Variants in CNTNAP2 observed in about 807,000 individuals in gnomAD.
CNTNAP2 encodes contactin associated protein 2, also known as contactin-associated protein-like 2.
In CNTNAP2, 98 loss-of-function variants were observed where a neutral mutation model predicts 155.2. That is an observed-to-expected ratio of 0.63 (90% CI 0.54 to 0.75). The LOEUF is 0.75. CNTNAP2 is among the 30% of genes least tolerant of loss of function. The pLI, the probability that CNTNAP2 is intolerant of heterozygous loss-of-function variation, is 0.00. For missense variants in CNTNAP2, 1,727 were observed against 1,688.1 expected, an observed-to-expected ratio of 1.02 and a Z score of -0.40; for synonymous variants, 651 against 631.2, an observed-to-expected ratio of 1.03 and a Z score of -0.47.
At chr7:146,244,727 T>C (rs1049134591) in intron 1 of CNTNAP2, among the ~76,000 whole-genome samples, 11 of 152,080 alleles carry the variant, frequency 7.2e-5, no homozygotes, top group Non-Finnish European at 1.5e-4. Flanking sequence ...TCAGACTGTA[T>C]AGAGGTGGGA....
chr7:148,400,018 C>T (rs907218274), intron 22 of CNTNAP2, among the ~76,000 whole-genome samples: 12 of 152,204 alleles, frequency 7.9e-5, no homozygotes, highest in Admixed American at 7.9e-4. Context: ...GAGACCAACT[C>T]AGGCAGAAGC....
chr7:146,882,817 T>C (rs1038593738), intron 3 of CNTNAP2, among the ~76,000 whole-genome samples: 3 of 152,146 alleles, frequency 2.0e-5, no homozygotes, highest in Non-Finnish European at 1.5e-5. Context: ...CGATACCTTT[T>C]ACAATAGCTA....
chr7:146,146,688 A>C (rs1797962551), intron 1 of CNTNAP2, among the ~76,000 whole-genome samples: 1 of 152,276 alleles, frequency 6.6e-6, no homozygotes, highest in African/African-American at 2.4e-5. Flanking sequence ...AGATTCTATT[A>C]ATAAAAATGG....
At chr7:147,032,540 C>G (rs769196319) in intron 3 of CNTNAP2, among the ~76,000 whole-genome samples, 12 of 152,290 alleles carry the variant, frequency 7.9e-5, no homozygotes, top group Non-Finnish European at 1.5e-4. Context: ...GCCCGGATCC[C>G]TGAATGACTA....
chr7:146,735,226 C>T lies in CNTNAP2; in HGVS notation c.98-39045C>T, dbSNP rs11980346. On this transcript the variant is annotated intron_variant, in intron 1 of 23. Coordinates refer to ENST00000361727, the MANE Select transcript of CNTNAP2 (RefSeq NM_014141.6). ...GAAAATGCCATTCTTACCAGAAAAC[C>T]AGTCAATATGGTTTTACATTAGAGC... 4.5e-3 allele frequency among the ~76,000 whole-genome samples: 680 copies of T among 152,146 alleles called. 2 individuals carry two copies. Among genetic ancestry groups the T allele is most frequent in the African/African-American group, 0.015 (626 of 41,508 alleles).
At chr7:146,638,777 G>T (rs932623903) in intron 1 of CNTNAP2, among the ~76,000 whole-genome samples, 1 of 151,852 alleles carries the variant, frequency 6.6e-6, no homozygotes, top group Non-Finnish European at 1.5e-5. Context: ...GAGCCACCGC[G>T]CCCGGCCAGG....
At chr7:146,118,064 G>A (rs1286869331) in intron 1 of CNTNAP2, among the ~76,000 whole-genome samples, 6 of 152,138 alleles carry the variant, frequency 3.9e-5, no homozygotes, top group Admixed American at 3.3e-4. Context: ...ATTTTGGGAT[G>A]TATTAATGCA....
intron 21 of CNTNAP2, among the ~76,000 whole-genome samples, chr7:148,361,927 TCACGCCTGTAATCCCAG>T (rs981925680): frequency 6.6e-5 from 10 of 152,078 alleles, no homozygotes; most frequent in South Asian, 2.1e-4. Context: ...GCACGGTGGC[TCACGCCTGTAATCCCAG>T]CACGCCTGTA....
chr7:146,704,423 TGCAGTTAGAG>T (rs1800928771), intron 1 of CNTNAP2, among the ~76,000 whole-genome samples: 1 of 152,156 alleles, frequency 6.6e-6, no homozygotes, highest in African/African-American at 2.4e-5. Context: ...ATAGAATTTT[TGCAGTTAGAG>T]GCAATCTTAG....
chr7:148,170,771 T>G (rs964285839), intron 17 of CNTNAP2, among the ~76,000 whole-genome samples: 2 of 152,208 alleles, frequency 1.3e-5, no homozygotes, highest in Admixed American at 6.5e-5. Context: ...TCTCTGCCAC[T>G]AAAGCCTTTG....
intron 1 of CNTNAP2, among the ~76,000 whole-genome samples, chr7:146,273,331 G>C (rs575437947): frequency 6.6e-6 from 1 of 152,016 alleles, no homozygotes; most frequent in Non-Finnish European, 1.5e-5. Flanking sequence ...ACTAGGCCAA[G>C]TGTAATATAA....
chr7:148,269,258 C>T (rs191880589), intron 21 of CNTNAP2, among the ~76,000 whole-genome samples: 122 of 152,282 alleles, frequency 8.0e-4, no homozygotes, highest in African/African-American at 2.7e-3. Context: ...AGATATTGTA[C>T]GATATGAAAG....
chr7:146,212,380 G>C lies in CNTNAP2; in HGVS notation c.97+95407G>C, dbSNP rs1799048163. Among the ~76,000 whole-genome samples, 3 of 152,232 alleles carry C rather than the reference G, an allele frequency of 2.0e-5. No individual in the cohort carries two copies. In the South Asian group the frequency reaches 6.2e-4, roughly 32 times the overall value. On this transcript the variant is annotated intron_variant, in intron 1 of 23. Coordinates refer to ENST00000361727, the MANE Select transcript of CNTNAP2 (RefSeq NM_014141.6). ...ACCCTTGCTAGATTGACCTAATTGG[G>C]AGTCTGGTGTGTCCCTGTTTTAAGA...
chr7:147,310,836 A>G (rs185184403), intron 9 of CNTNAP2, among the ~76,000 whole-genome samples: 31 of 152,334 alleles, frequency 2.0e-4, no homozygotes, highest in Admixed American at 1.7e-3. Flanking sequence ...GCAGCGAGGA[A>G]GAGAGATTGG....
chr7:147,156,045 G>A (rs1801919790), intron 8 of CNTNAP2, among the ~76,000 whole-genome samples: 1 of 152,128 alleles, frequency 6.6e-6, no homozygotes, highest in Admixed American at 6.6e-5. Flanking sequence ...ACAGGAACAA[G>A]TCCCTACTTT....
intron 12 of CNTNAP2, among the ~76,000 whole-genome samples, chr7:147,566,431 T>C (rs1447618807): frequency 1.3e-5 from 2 of 151,852 alleles, no homozygotes; most frequent in East Asian, 3.9e-4. Context: ...AGAACTTCCC[T>C]GAGTTCGTTC....
chr7:146,184,801 A>G (rs1355480940), intron 1 of CNTNAP2, among the ~76,000 whole-genome samples: 2 of 152,204 alleles, frequency 1.3e-5, no homozygotes, highest in African/African-American at 4.8e-5. Context: ...AAAGAAAAGC[A>G]GGAAAGTGAT....
chr7:147,102,324 G>T (rs1466285517), intron 4 of CNTNAP2, among the ~76,000 whole-genome samples: 1 of 146,586 alleles, frequency 6.8e-6, no homozygotes, highest in African/African-American at 2.6e-5. Flanking sequence ...CCAGATCTCT[G>T]GCTTGAGTGA....
chr7:148,300,172 A>G (rs1797357148), intron 21 of CNTNAP2, among the ~76,000 whole-genome samples: 1 of 152,170 alleles, frequency 6.6e-6, no homozygotes, highest in Non-Finnish European at 1.5e-5. Flanking sequence ...GCTAAAGGAG[A>G]TTTTGTCAAA....
Sources: allele counts gnomAD v4.1 joint callset (sites outside exome capture counted in the v4.1 genomes callset), GRCh38; gene constraint gnomAD v4.1.1; transcripts MANE v1.5; gene names NCBI Gene and HGNC (gene_info 2026-07-23, HGNC 2026-07-21).